The following MRTFA variants were observed in gnomAD, a reference collection of about 807,000 sequenced individuals.
The protein encoded by MRTFA is myocardin related transcription factor A.
A neutral mutation model predicts 83.5 loss-of-function variants in MRTFA; 20 were observed. The observed-to-expected ratio is 0.24, with a 90% CI of 0.17 to 0.35. MRTFA has a LOEUF of 0.35. MRTFA is among the 10% of genes least tolerant of loss of function. MRTFA has a pLI of 1.00. For synonymous variants in MRTFA, 659 were observed against 541.2 expected (o/e 1.22, Z -3.02); for missense variants, 1,200 against 1,224.7 (o/e 0.98, Z 0.30).
intron 4 of MRTFA, among the ~76,000 whole-genome samples, chr22:40,462,733 C>T (rs952619237): frequency 4.6e-5 from 7 of 152,320 alleles, no homozygotes; most frequent in East Asian, 1.9e-4. Flanking sequence ...GCCATGCTCA[C>T]GCCCAGGCCA....
At chr22:40,573,645 G>A (rs895716976) in intron 2 of MRTFA, among the ~76,000 whole-genome samples, 1 of 152,022 alleles carries the variant, frequency 6.6e-6, no homozygotes, top group South Asian at 2.1e-4. Context: ...TCCCATACCT[G>A]TAATTCCAGA....
At chr22:40,506,918 C>T (rs2054589609) in intron 3 of MRTFA, among the ~76,000 whole-genome samples, 1 of 152,138 alleles carries the variant, frequency 6.6e-6, no homozygotes, top group Non-Finnish European at 1.5e-5. Context: ...GCTGAATACA[C>T]CATTATTTTA....
At chr22:40,623,393 C>A (rs2056545909) in intron 1 of MRTFA, among the ~76,000 whole-genome samples, 1 of 151,958 alleles carries the variant, frequency 6.6e-6, no homozygotes, top group South Asian at 2.1e-4. Context: ...CATATGTATA[C>A]ATGTGCCATG....
In MRTFA at chr22:40,572,318, T is replaced by C. The variant is rs142308556; in HGVS notation, c.-21-19951A>G. Among the ~76,000 whole-genome samples the C allele has an allele frequency of 1.1e-3, 163 of 152,326 alleles. 1 individual carries two copies. The highest frequency in any genetic ancestry group is 3.8e-3 in the African/African-American group (158 of 41,576). The stretch of plus-strand genomic sequence containing the variant: ...TGTGAATATACTAAAAACCATCAAA[T>C]TGTACACTTTGCCAGGTGCAGAGGT... On this transcript the variant is annotated intron_variant, in intron 2 of 14. Coordinates refer to ENST00000355630, the MANE Select transcript of MRTFA (RefSeq NM_020831.6).
intron 1 of MRTFA, among the ~76,000 whole-genome samples, chr22:40,610,822 T>TA (rs139645469): frequency 0.089 from 12,827 of 143,606 alleles, 775 homozygotes; most frequent in East Asian, 0.28. Context: ...GAAAAATAAG[T>TA]AAAAAAAAAG....
intron 2 of MRTFA, among the ~76,000 whole-genome samples, chr22:40,585,039 C>A (rs551032931): frequency 2.0e-5 from 3 of 152,116 alleles, no homozygotes; most frequent in Admixed American, 2.0e-4. Context: ...GAACAAGACT[C>A]GGTCTCAAAA....
Position 40,502,470 on chromosome 22 carries a change from G to A in MRTFA, c.242-39184C>T, listed in dbSNP as rs1190763703. Among the ~76,000 whole-genome samples, 114 of 136,216 alleles carry A rather than the reference G, an allele frequency of 8.4e-4. 5 individuals are homozygous for A. Among genetic ancestry groups the A allele is most frequent in the Middle Eastern group, 9.0e-3 (2 of 222 alleles). The allele number at this position is 136,216 out of a possible 152,430, so 89.4% of individuals were successfully genotyped here. ...CCCACATCTCAGACGATGGGCGGCC[G>A]GGCAGAGACGCTCCTCACTTCCTAG... On this transcript the variant is annotated intron_variant, in intron 3 of 14. Transcript: ENST00000355630.
In MRTFA at chr22:40,441,735, C is replaced by T. The variant is rs867161808; in HGVS notation, c.308-6181G>A. On this transcript the variant is annotated intron_variant, in intron 4 of 14. Coordinates refer to ENST00000355630, the MANE Select transcript of MRTFA (RefSeq NM_020831.6). ...CTGGGAGGCGAAGGTTGCAGTGAGCCGAGACCGTGACACTGTACTCCAACC... is the reference window on the plus strand; with the variant it reads ...CTGGGAGGCGAAGGTTGCAGTGAGCTGAGACCGTGACACTGTACTCCAACC... Among the ~76,000 whole-genome samples, 7 of 151,086 alleles carry T rather than the reference C, an allele frequency of 4.6e-5. No individual in the cohort carries two copies. In the South Asian group the frequency reaches 1.5e-3, roughly 32 times the overall value.
At chr22:40,533,620 G>T (rs1373605770) in intron 3 of MRTFA, 9 of 1,230,354 alleles carry the variant, frequency 7.3e-6, no homozygotes, top group South Asian at 4.1e-5. Context: ...AACATCTCAG[G>T]TTCCAGTAGA....
chr22:40,481,896 T>C (rs924834922), intron 3 of MRTFA, among the ~76,000 whole-genome samples: 2 of 151,862 alleles, frequency 1.3e-5, no homozygotes, highest in Admixed American at 1.3e-4. Flanking sequence ...CCGTCTCTAC[T>C]AAAAATACAA....
chr22:40,597,836 T>C (rs1022769535), intron 1 of MRTFA, among the ~76,000 whole-genome samples: 2 of 152,248 alleles, frequency 1.3e-5, no homozygotes, highest in African/African-American at 2.4e-5. Flanking sequence ...ATTAATTTTA[T>C]ACATGCCCAT....
intron 2 of MRTFA, among the ~76,000 whole-genome samples, chr22:40,583,044 C>CT: frequency 6.6e-6 from 1 of 151,994 alleles, no homozygotes; most frequent in Non-Finnish European, 1.5e-5. Flanking sequence ...AGTAAAAAGT[C>CT]TTTAACAAAT....
chr22:40,411,779 G>T lies in MRTFA; in HGVS notation c.2707C>A (p.Pro903Thr). 1 of 1,534,858 alleles carries T rather than the reference G, an allele frequency of 6.5e-7. No individual in the cohort carries two copies. Among genetic ancestry groups the T allele is most frequent in the South Asian group, 1.2e-5 (1 of 80,088 alleles). ...GGGAGGGAGGGTGAGCCTGGAGGAG[G>T]TGGGGCAGCCTGGGGGAGCTCAGCA... The change falls in exon 15 of 15, where the codon CCT becomes ACT. Residue 903 changes from proline to threonine, a missense_variant. Pro to Thr is a conservative substitution (Grantham distance 38, BLOSUM62 -1). This residue lies in a region of MRTFA where 1,107 missense variants were observed against 1,041.8 expected (regional missense o/e 1.06). Coordinates refer to ENST00000355630, the MANE Select transcript of MRTFA (RefSeq NM_020831.6).
At position 40,503,301 on chromosome 22, in the gene MRTFA, T is replaced by C. The variant is rs142587662; in HGVS notation, c.242-40015A>G. On this transcript the variant is annotated intron_variant, in intron 3 of 14. Transcript: ENST00000355630. ...CCAGACAATTAATTTCTCCACATTA[T>C]GAACTGTCAACAAAATCAGAAATGT... 2.6e-5 allele frequency among the ~76,000 whole-genome samples: 4 copies of C among 152,356 alleles called. No individual in the cohort carries two copies. The East Asian group carries it at 7.7e-4, about 29-fold the overall frequency.
At chr22:40,538,560 T>C (rs2055229489) in intron 3 of MRTFA, among the ~76,000 whole-genome samples, 1 of 89,936 alleles carries the variant, frequency 1.1e-5, no homozygotes, top group African/African-American at 4.7e-5. Context: ...CCAAGAATTA[T>C]CAATAAAAAA....
chr22:40,424,405 ATTCCAC>A, intron 7 of MRTFA, 24 bp from the exon 8 acceptor site: 1 of 1,610,384 alleles, frequency 6.2e-7, no homozygotes, highest in Non-Finnish European at 8.5e-7. Context: ...CTGGTGTGAG[ATTCCAC>A]TTCCAGCCCA....
At position 40,620,423 on chromosome 22, in the gene MRTFA, CTTTT is replaced by C. The variant is rs747409456; in HGVS notation, c.-84+16051_-84+16054del. Reference sequence around the variant, plus strand: ...ACAGGCGTGAGCCACAACATGCAGTCTTTTTTTTTTTTTTTTTTTTTTGTATTTT... The same window carrying C: ...ACAGGCGTGAGCCACAACATGCAGTCTTTTTTTTTTTTTTTTTTGTATTTT... On this transcript the variant is annotated intron_variant, in intron 1 of 14. Transcript: ENST00000355630. Among the ~76,000 whole-genome samples the C allele has an allele frequency of 5.0e-4, 47 of 94,200 alleles. No homozygotes were observed. In the East Asian group the frequency reaches 0.015, roughly 30 times the overall value. The allele number at this position is 94,200 out of a possible 152,430, so 61.8% of individuals were successfully genotyped here.
At chr22:40,583,306 C>T (rs1158010562) in intron 2 of MRTFA, among the ~76,000 whole-genome samples, 2 of 152,160 alleles carry the variant, frequency 1.3e-5, no homozygotes, top group Non-Finnish European at 2.9e-5. Flanking sequence ...AGGGGCCCAG[C>T]TCACAAACTA....
rs2052656689 is a variant in MRTFA, at chr22:40,415,362, C to G, written c.2578+1624G>C. 4 of 152,322 alleles carry G rather than the reference C, an allele frequency of 2.6e-5. No homozygotes were observed. In the South Asian group the frequency reaches 8.3e-4, roughly 31 times the overall value. 9.4% of individuals were successfully genotyped at this position (152,322 alleles called of 1,614,324 possible). On this transcript the variant is annotated intron_variant, in intron 14 of 14. Transcript: ENST00000355630. Reference sequence around the variant, plus strand: ...GACCCCAGGGACCCAGGGATTCTCCCTAGGGCTTGAGAATTACAGACCTCA... The same window carrying G: ...GACCCCAGGGACCCAGGGATTCTCCGTAGGGCTTGAGAATTACAGACCTCA...
Sources: gnomAD v4.1 joint callset for allele counts (sites outside exome capture counted in the v4.1 genomes callset) on GRCh38, gnomAD v4.1.1 for gene constraint, gnomAD v4.1.1 regional missense constraint, MANE v1.5 for transcripts, NCBI Gene and HGNC (gene_info 2026-07-23, HGNC 2026-07-21) for gene names.